The following UGT1A6 variants were observed in gnomAD, a reference collection of about 807,000 sequenced individuals.
The protein encoded by UGT1A6 is UDP-glucuronosyltransferase 1A6.
UGT1A6 carries 32 observed loss-of-function variants against 44.4 expected under a neutral mutation model. That is an observed-to-expected ratio of 0.72 (90% CI 0.54 to 0.97). UGT1A6 has a LOEUF of 0.97. Ranked by LOEUF, UGT1A6 falls within the 50% of genes least tolerant of loss-of-function variation. UGT1A6 has a pLI of 0.00. For synonymous variants in UGT1A6, 238 were observed against 248.5 expected (o/e 0.96, Z 0.40); for missense variants, 685 against 661.9 (o/e 1.03, Z -0.38).
At chr2:233,697,307 A>T (rs116017850) in intron 1 of UGT1A6, among the ~76,000 whole-genome samples, 1,596 of 152,184 alleles carry the variant, frequency 0.01, 34 homozygotes, top group African/African-American at 0.036. Flanking sequence ...CAATCTTGGT[A>T]GATTGTTTGT....
intron 1 of UGT1A6, among the ~76,000 whole-genome samples, chr2:233,736,594 G>A (rs1196858563): frequency 2.0e-5 from 3 of 152,156 alleles, no homozygotes; most frequent in African/African-American, 7.2e-5. Flanking sequence ...ATGTGCTTAT[G>A]CGCTATGGTT....
intron 1 of UGT1A6, among the ~76,000 whole-genome samples, chr2:233,764,157 G>A (rs1698491746): frequency 6.6e-6 from 1 of 152,190 alleles, no homozygotes; most frequent in African/African-American, 2.4e-5. Flanking sequence ...GGCTGGTGAA[G>A]TCTCATCAGA....
intron 1 of UGT1A6, among the ~76,000 whole-genome samples, chr2:233,741,049 G>T (rs1450798291): frequency 1.3e-5 from 2 of 151,748 alleles, no homozygotes; most frequent in Non-Finnish European, 2.9e-5. Context: ...ATCTTGCCTA[G>T]GTAACAGCTA....
chr2:233,705,482 AATG>A (rs1195612054), intron 1 of UGT1A6, among the ~76,000 whole-genome samples: 1 of 152,198 alleles, frequency 6.6e-6, no homozygotes, highest in Non-Finnish European at 1.5e-5. Context: ...AGGCAAATTT[AATG>A]ATAATAAATA....
chr2:233,738,593 G>A (rs971554241), intron 1 of UGT1A6, among the ~76,000 whole-genome samples: 1 of 152,204 alleles, frequency 6.6e-6, no homozygotes, highest in Non-Finnish European at 1.5e-5. Context: ...GGTCACTCTT[G>A]CTAAGCTTTA....
At chr2:233,730,044 A>T (rs2361501) in intron 1 of UGT1A6, 750,246 of 1,611,504 alleles carry the variant, frequency 0.47, 182,645 homozygotes, top group African/African-American at 0.81. Flanking sequence ...AACACTTTTT[A>T]AAAAAATGTA....
rs2126038220 is a variant in UGT1A6, at chr2:233,768,440, G to T, written c.1301+1G>T. ...TAAAAGCAGTCATCAATGACAAAAG[G>T]TAAGAAAGAAGATACAGAAGAATAC... On this transcript the variant is annotated splice_donor_variant, in intron 4 of 4. Coordinates refer to ENST00000305139, the MANE Select transcript of UGT1A6 (RefSeq NM_001072.4). LOFTEE classifies it high-confidence loss of function. 1.2e-6 allele frequency: 2 copies of T among 1,613,446 alleles called. No individual in the cohort carries two copies. Among genetic ancestry groups the T allele is most frequent in the Non-Finnish European group, 1.7e-6 (2 of 1,179,672 alleles).
rs148565852 is a variant in UGT1A6, at chr2:233,719,296, C to T, written c.861+25431C>T. 4.0e-5 allele frequency: 64 copies of T among 1,613,940 alleles called. 1 individual carries two copies. The Admixed American group carries it at 4.5e-4, about 11-fold the overall frequency. ...ACAGACCCCGTTAACCTCTGTGGGG[C>T]GGTGCTGGCTAAGTACCTGTCGATT... On this transcript the variant is annotated intron_variant, in intron 1 of 4. Coordinates refer to ENST00000305139, the MANE Select transcript of UGT1A6 (RefSeq NM_001072.4).
chr2:233,763,802 T>C (rs1286063842), intron 1 of UGT1A6, among the ~76,000 whole-genome samples: 2 of 152,186 alleles, frequency 1.3e-5, no homozygotes, highest in Non-Finnish European at 2.9e-5. Context: ...GGAATGAAAC[T>C]CAAGAATTCC....
At chr2:233,718,783 G>A (rs372445273) in intron 1 of UGT1A6, 52 of 1,612,928 alleles carry the variant, frequency 3.2e-5, no homozygotes, top group African/African-American at 1.5e-4. Flanking sequence ...CAGGCACAGC[G>A]TGGGGTGGAC....
At chr2:233,762,916 A>C (rs1698195607) in intron 1 of UGT1A6, among the ~76,000 whole-genome samples, 2 of 152,252 alleles carry the variant, frequency 1.3e-5, no homozygotes, top group African/African-American at 4.8e-5. Flanking sequence ...TATTGAATTT[A>C]TTAGAATCTC....
intron 1 of UGT1A6, among the ~76,000 whole-genome samples, chr2:233,761,681 C>T (rs1697835350): frequency 6.6e-6 from 1 of 152,246 alleles, no homozygotes; most frequent in Non-Finnish European, 1.5e-5. Flanking sequence ...CAGGTTCTGA[C>T]ATGATACAGA....
At chr2:233,696,823 G>A (rs1055061621) in intron 1 of UGT1A6, among the ~76,000 whole-genome samples, 3 of 152,150 alleles carry the variant, frequency 2.0e-5, no homozygotes, top group Non-Finnish European at 4.4e-5. Context: ...TATTGAGAGT[G>A]TGTATCATAA....
chr2:233,693,176 G>A lies in UGT1A6; in HGVS notation c.172G>A (p.Val58Met). The A allele has an allele frequency of 6.2e-7, 1 of 1,614,172 alleles. No individual in the cohort carries two copies. Among genetic ancestry groups the A allele is most frequent in the Non-Finnish European group, 8.5e-7 (1 of 1,179,998 alleles). ...CAGTGACCGGGGTCATGAGATTGTA[G>A]TGGTGGTGCCTGAAGTTAATTTGCT... Reference protein sequence around the residue: ...VLSDRGHEIVVVVPEVNLLLK... With the variant: ...VLSDRGHEIVMVVPEVNLLLK... The change falls in exon 1 of 5, where the codon GTG becomes ATG. Residue 58 changes from valine (V) to methionine (M), a missense_variant. Transcript: ENST00000305139.
intron 1 of UGT1A6, chr2:233,761,111 T>C: frequency 6.2e-7 from 1 of 1,614,220 alleles, no homozygotes; most frequent in Non-Finnish European, 8.5e-7. Context: ...ATGGTTTTTG[T>C]TGGTGGAATC....
intron 1 of UGT1A6, among the ~76,000 whole-genome samples, chr2:233,715,228 A>G (rs554493874): frequency 2.6e-5 from 4 of 152,214 alleles, no homozygotes; most frequent in East Asian, 1.9e-4. Context: ...AATCTGCCCA[A>G]TTCTGTGAAG....
At chr2:233,717,267 T>C (rs1350821692) in intron 1 of UGT1A6, among the ~76,000 whole-genome samples, 1 of 152,078 alleles carries the variant, frequency 6.6e-6, no homozygotes, top group African/African-American at 2.4e-5. Context: ...GGAGGAATAG[T>C]TGAGAAGCTG....
At chr2:233,732,602 G>T (rs1447005275) in intron 1 of UGT1A6, among the ~76,000 whole-genome samples, 1 of 152,210 alleles carries the variant, frequency 6.6e-6, no homozygotes, top group Non-Finnish European at 1.5e-5. Flanking sequence ...GTTTGTCAAA[G>T]ATCAAATGGT....
chr2:233,747,555 G>A, intron 1 of UGT1A6: 1 of 1,599,236 alleles, frequency 6.3e-7, no homozygotes, highest in Non-Finnish European at 8.6e-7. Flanking sequence ...TAAAAGTATG[G>A]CAATTTTGAA....
Sources: allele counts gnomAD v4.1 joint callset (sites outside exome capture counted in the v4.1 genomes callset), GRCh38; gene constraint gnomAD v4.1.1; transcripts MANE v1.5; gene names NCBI Gene and HGNC (gene_info 2026-07-23, HGNC 2026-07-21).